Variants in PTPRR observed in about 807,000 individuals in gnomAD.
The protein encoded by PTPRR is receptor-type tyrosine-protein phosphatase R.
A neutral mutation model predicts 77.2 loss-of-function variants in PTPRR; 38 were observed. That is an observed-to-expected ratio of 0.49 (90% CI 0.38 to 0.65). The LOEUF is 0.65. Ranked by LOEUF, PTPRR falls within the 30% of genes least tolerant of loss-of-function variation. The probability of loss-of-function intolerance (pLI) is 0.00; values close to 1 mark genes in which losing one functional copy is unlikely to be tolerated. For synonymous variants in PTPRR, 299 were observed against 283.1 expected, an observed-to-expected ratio of 1.06 and a Z score of -0.57; for missense variants, 744 against 799.2, an observed-to-expected ratio of 0.93 and a Z score of 0.83.
At chr12:70,669,391 G>A (rs1170410986) in intron 10 of PTPRR, among the ~76,000 whole-genome samples, 2 of 151,128 alleles carry the variant, frequency 1.3e-5, no homozygotes, top group South Asian at 4.2e-4. Flanking sequence ...AAGCACTGTG[G>A]TTTCTACTGC....
At chr12:70,870,751 A>G (rs1892945640) in intron 2 of PTPRR, among the ~76,000 whole-genome samples, 1 of 152,246 alleles carries the variant, frequency 6.6e-6, no homozygotes, top group African/African-American at 2.4e-5. Flanking sequence ...CAATTGTAGC[A>G]GCTTCAGACT....
chr12:70,879,329 T>C (rs1382151121), intron 2 of PTPRR, among the ~76,000 whole-genome samples: 1 of 151,848 alleles, frequency 6.6e-6, no homozygotes, highest in Non-Finnish European at 1.5e-5. Context: ...TGTAGTTACC[T>C]CCCTCCTTGT....
At chr12:70,764,580 T>C in intron 3 of PTPRR, 85 bp downstream of exon 3, 2 of 1,132,870 alleles carry the variant, frequency 1.8e-6, no homozygotes, top group Non-Finnish European at 1.3e-6. Flanking sequence ...TCATTAGCCA[T>C]ACAACTATAG....
intron 2 of PTPRR, among the ~76,000 whole-genome samples, chr12:70,882,189 T>C (rs1297253529): frequency 6.6e-6 from 1 of 152,186 alleles, no homozygotes; most frequent in Non-Finnish European, 1.5e-5. Context: ...CAAGAGAAAG[T>C]GAAGAGATCT....
chr12:70,743,400 A>G (rs1890114690), intron 6 of PTPRR, among the ~76,000 whole-genome samples: 1 of 152,206 alleles, frequency 6.6e-6, no homozygotes, highest in South Asian at 2.1e-4. Flanking sequence ...CTGTTCTTTT[A>G]AGACATGTAT....
chr12:70,879,096 C>T (rs1165622746), intron 2 of PTPRR, among the ~76,000 whole-genome samples: 1 of 151,932 alleles, frequency 6.6e-6, no homozygotes, highest in African/African-American at 2.4e-5. Flanking sequence ...ACACCAGGGC[C>T]TGTTGTGGGG....
At chr12:70,651,401 A>T (rs1311723585) in intron 13 of PTPRR, among the ~76,000 whole-genome samples, 1 of 152,220 alleles carries the variant, frequency 6.6e-6, no homozygotes, top group East Asian at 1.9e-4. Context: ...TCCATCCAAG[A>T]TTAGCTCTTT....
At chr12:70,673,185 T>G (rs184025793) in intron 10 of PTPRR, among the ~76,000 whole-genome samples, 4 of 152,176 alleles carry the variant, frequency 2.6e-5, no homozygotes, top group Admixed American at 2.6e-4. Flanking sequence ...ATCATCCCTA[T>G]TGGATTTCTT....
At chr12:70,829,249 GAAATAAATAAATAAAT>G (rs71895366) in intron 2 of PTPRR, among the ~76,000 whole-genome samples, 6 of 149,066 alleles carry the variant, frequency 4.0e-5, no homozygotes, top group Non-Finnish European at 7.4e-5. Context: ...GAAGGAAAGA[GAAATAAATAAATAAAT>G]AAATAAATAA....
chr12:70,757,636 A>G (rs897030306), intron 4 of PTPRR, among the ~76,000 whole-genome samples: 6 of 152,176 alleles, frequency 3.9e-5, no homozygotes, highest in Admixed American at 3.9e-4. Flanking sequence ...AATCAAGCAT[A>G]TGAAAAAACA....
intron 2 of PTPRR, among the ~76,000 whole-genome samples, chr12:70,795,815 ACTGC>A (rs1891500212): frequency 6.6e-6 from 1 of 151,340 alleles, no homozygotes; most frequent in Non-Finnish European, 1.5e-5. Flanking sequence ...ATTTTGGAGT[ACTGC>A]TCACTGTCAT....
intron 2 of PTPRR, among the ~76,000 whole-genome samples, chr12:70,880,772 T>C (rs1358569035): frequency 6.6e-6 from 1 of 152,180 alleles, no homozygotes; most frequent in Non-Finnish European, 1.5e-5. Flanking sequence ...TTGTCCTTGC[T>C]TATTTCTAGT....
chr12:70,884,495 A>G (rs1893202732), intron 2 of PTPRR, among the ~76,000 whole-genome samples: 1 of 152,186 alleles, frequency 6.6e-6, no homozygotes, highest in South Asian at 2.1e-4. Flanking sequence ...CTCCAAGTAA[A>G]TATTTGCTCC....
intron 2 of PTPRR, among the ~76,000 whole-genome samples, chr12:70,871,205 T>C (rs1892953313): frequency 6.6e-6 from 1 of 152,192 alleles, no homozygotes; most frequent in Admixed American, 6.6e-5. Context: ...CTTTAGCTGA[T>C]AGGCTGTGAT....
chr12:70,837,096 C>A (rs1376933261), intron 2 of PTPRR, among the ~76,000 whole-genome samples: 2 of 151,642 alleles, frequency 1.3e-5, no homozygotes, highest in African/African-American at 4.8e-5. Flanking sequence ...CAATTGGGAA[C>A]AAAAGGCTTA....
intron 1 of PTPRR, among the ~76,000 whole-genome samples, chr12:70,904,519 A>C (rs1485675668): frequency 6.6e-6 from 1 of 151,904 alleles, no homozygotes; most frequent in African/African-American, 2.4e-5. Context: ...TGAAATACAG[A>C]TCAGTGGTTA....
At chr12:70,673,114 T>C in intron 10 of PTPRR, 1 of 879,110 alleles carries the variant, frequency 1.1e-6, no homozygotes. Context: ...ATCCTTGGTC[T>C]TGGAGAAGGA....
At chr12:70,686,330 C>T (rs1000047129) in intron 8 of PTPRR, among the ~76,000 whole-genome samples, 4 of 152,128 alleles carry the variant, frequency 2.6e-5, no homozygotes, top group Admixed American at 1.3e-4. Context: ...AAAAATTTAA[C>T]AGGACTTGGC....
At chr12:70,702,225 G>A (rs939907577) in intron 6 of PTPRR, among the ~76,000 whole-genome samples, 1 of 152,088 alleles carries the variant, frequency 6.6e-6, no homozygotes, top group African/African-American at 2.4e-5. Context: ...TGAGTCCTGA[G>A]TAGGAAGTGA....
Sources: allele counts gnomAD v4.1 joint callset (sites outside exome capture counted in the v4.1 genomes callset), GRCh38; gene constraint gnomAD v4.1.1; transcripts MANE v1.5; gene names NCBI Gene and HGNC (gene_info 2026-07-23, HGNC 2026-07-21).